The following CFTR variants were observed in gnomAD, a reference collection of about 807,000 sequenced individuals.
CFTR encodes the protein CF transmembrane conductance regulator.
A neutral mutation model predicts 171.6 loss-of-function variants in CFTR; 181 were observed. That is an observed-to-expected ratio of 1.05 (90% CI 0.93 to 1.19). The LOEUF is 1.19. Among genes scored for constraint, CFTR ranks in the 50% most tolerant of loss-of-function variants. CFTR has a pLI of 0.00. For missense variants in CFTR, 1,968 were observed against 1,734.7 expected (o/e 1.13, Z -2.39); for synonymous variants, 583 against 608.0 (o/e 0.96, Z 0.60).
chr7:117,569,560 A>AGTAAAT (rs1394287116), intron 11 of CFTR, among the ~76,000 whole-genome samples: 2 of 152,232 alleles, frequency 1.3e-5, no homozygotes, highest in African/African-American at 4.8e-5. Flanking sequence ...ATGAAAGAAA[A>AGTAAAT]GTAAATTAAA....
At chr7:117,504,819 C>T (rs560048811) in intron 2 of CFTR, among the ~76,000 whole-genome samples, 3 of 146,010 alleles carry the variant, frequency 2.1e-5, no homozygotes, top group African/African-American at 7.6e-5. Flanking sequence ...AATCATTAAA[C>T]AATAAAATCA....
intron 17 of CFTR, among the ~76,000 whole-genome samples, chr7:117,606,295 T>C (rs922453885): frequency 6.6e-6 from 1 of 151,920 alleles, no homozygotes; most frequent in Non-Finnish European, 1.5e-5. Flanking sequence ...AGAATACAAA[T>C]GGAAGGGAAA....
chr7:117,587,036 C>A (rs1200676021), intron 11 of CFTR, among the ~76,000 whole-genome samples: 1 of 152,122 alleles, frequency 6.6e-6, no homozygotes, highest in Non-Finnish European at 1.5e-5. Flanking sequence ...GCCTAGGAGT[C>A]AAGGACTATT....
chr7:117,582,747 A>G (rs559423043), intron 11 of CFTR, among the ~76,000 whole-genome samples: 199 of 152,316 alleles, frequency 1.3e-3, no homozygotes, highest in African/African-American at 4.7e-3. Context: ...ACATGGTACC[A>G]AGAAACTATT....
In CFTR at chr7:117,480,044, A is replaced by AG; in HGVS notation, c.-49dup. 6 of 1,565,652 alleles carry AG rather than the reference A, an allele frequency of 3.8e-6. No homozygotes were observed. Among genetic ancestry groups the AG allele is most frequent in the Non-Finnish European group, 5.3e-6 (6 of 1,136,134 alleles). On this transcript the variant is annotated 5_prime_UTR_variant, in exon 1 of 27. Coordinates refer to ENST00000003084, the MANE Select transcript of CFTR (RefSeq NM_000492.4). ...CCCAGAGTAGTAGGTCTTTGGCATT[A>AG]GGAGCTTGAGCCCAGACGGCCCTAG... is the stretch of plus-strand genomic sequence containing the variant.
At chr7:117,592,813 C>T (rs776413046) in intron 14 of CFTR, among the ~76,000 whole-genome samples, 156 bp downstream of exon 14, 15 of 152,100 alleles carry the variant, frequency 9.9e-5, no homozygotes, top group Non-Finnish European at 1.5e-4. Flanking sequence ...ATACAAGCAA[C>T]GTTAAAATGT....
chr7:117,492,865 A>G (rs11772396), intron 1 of CFTR, among the ~76,000 whole-genome samples: 28,613 of 151,962 alleles, frequency 0.19, 2,896 homozygotes, highest in Non-Finnish European at 0.21. Flanking sequence ...GACTATTTCA[A>G]TGCATTTGAG....
chr7:117,523,042 G>A (rs913345307), intron 3 of CFTR, among the ~76,000 whole-genome samples: 3 of 152,060 alleles, frequency 2.0e-5, no homozygotes, highest in African/African-American at 7.2e-5. Context: ...TTTTCATACC[G>A]AAAATAAACT....
intron 23 of CFTR, among the ~76,000 whole-genome samples, chr7:117,648,850 C>T (rs1393903486): frequency 1.3e-5 from 2 of 152,082 alleles, no homozygotes; most frequent in African/African-American, 2.4e-5. Flanking sequence ...GAATGAAATA[C>T]CTAATTGTAT....
intron 21 of CFTR, among the ~76,000 whole-genome samples, chr7:117,617,581 TA>T (rs1792512642): frequency 6.6e-6 from 1 of 151,946 alleles, no homozygotes; most frequent in African/African-American, 2.4e-5. Context: ...TATCTTTTTT[TA>T]AAAATCTAAA....
chr7:117,642,529 A>G lies in CFTR; in HGVS notation c.3809A>G (p.Asp1270Gly), dbSNP rs765549490. The G allele has an allele frequency of 3.7e-6, 6 of 1,613,502 alleles. No individual in the cohort carries two copies. The Admixed American group carries it at 1.0e-4, about 27-fold the overall frequency. Residue 1270 changes from aspartate to glycine, a missense_variant, in exon 23 of 27, where the codon GAT becomes GGT. Asp to Gly is a moderately conservative substitution (Grantham distance 94). Coordinates refer to ENST00000003084, the MANE Select transcript of CFTR (RefSeq NM_000492.4). ...LLNTEGEIQI[D>G]GVSWDSITLQ... ...AACACTGAAGGAGAAATCCAGATCG[A>G]TGGTGTGTCTTGGGATTCAATAACT...
intron 24 of CFTR, among the ~76,000 whole-genome samples, chr7:117,655,290 T>C (rs1486877394): frequency 2.6e-5 from 4 of 152,204 alleles, no homozygotes; most frequent in Non-Finnish European, 4.4e-5. Context: ...GGATATTTCC[T>C]CAGTCAAACA....
At chr7:117,647,644 G>C (rs1326635975) in intron 23 of CFTR, among the ~76,000 whole-genome samples, 1 of 149,844 alleles carries the variant, frequency 6.7e-6, no homozygotes, top group Non-Finnish European at 1.5e-5. Context: ...GATTTGGGCA[G>C]AGACACAGAT....
Sources: gnomAD v4.1 joint callset for allele counts (sites outside exome capture counted in the v4.1 genomes callset) on GRCh38, gnomAD v4.1.1 for gene constraint, MANE v1.5 for transcripts, NCBI Gene and HGNC (gene_info 2026-07-23, HGNC 2026-07-21) for gene names.